The following AUTS2 variants were observed in gnomAD, a reference collection of about 807,000 sequenced individuals.
AUTS2 encodes autism susceptibility gene 2 protein.
In AUTS2, 17 loss-of-function variants were observed where a neutral mutation model predicts 112.4. The ratio of observed to expected loss-of-function variants is 0.15; its 90% CI spans 0.10 to 0.23. The LOEUF (loss-of-function observed/expected upper bound fraction) is 0.23, where lower values mean the gene tolerates loss of function less well. Ranked by LOEUF, AUTS2 falls within the 10% of genes least tolerant of loss-of-function variation. AUTS2 has a pLI of 1.00. For missense variants in AUTS2, 1,510 were observed against 1,701.6 expected (o/e 0.89, Z 1.98); for synonymous variants, 751 against 702.7 (o/e 1.07, Z -1.09).
chr7:70,179,397 G>A (rs1402415912), intron 4 of AUTS2, among the ~76,000 whole-genome samples: 1 of 152,174 alleles, frequency 6.6e-6, no homozygotes, highest in East Asian at 1.9e-4. Flanking sequence ...GTGTTACATT[G>A]TGCTTTTCTT....
rs60861244 is a variant in AUTS2 at position 69,598,650 on chromosome 7, C to T, written c.-1004C>T. ...GCGAGAGAAGCGGCGGCGGCGGCGG[C>T]GGCACACCGGTGTCTCTCCCGCTGG... On this transcript the variant is annotated 5_prime_UTR_variant, in exon 1 of 19. Transcript: ENST00000342771. The T allele has an allele frequency of 0.02, 3,318 of 168,330 alleles. 74 individuals are homozygous for T. The highest frequency in any genetic ancestry group is 0.051 in the East Asian group (275 of 5,444). 10.4% of individuals were successfully genotyped at this position (168,330 alleles called of 1,614,324 possible). A position where few individuals can be genotyped will look rare whatever the true frequency, so the allele number is the denominator to read the frequency against.
chr7:70,368,244 A>C (rs1286359515), intron 4 of AUTS2, among the ~76,000 whole-genome samples: 1 of 152,138 alleles, frequency 6.6e-6, no homozygotes, highest in African/African-American at 2.4e-5. Context: ...GACATAGAAA[A>C]CACCTAGAAC....
At chr7:70,785,409 A>G (rs555272426) in intron 16 of AUTS2, 48 of 492,948 alleles carry the variant, frequency 9.7e-5, no homozygotes, top group Non-Finnish European at 1.8e-4. Context: ...ACACAAGCTG[A>G]CGTTATGGAG....
intron 4 of AUTS2, among the ~76,000 whole-genome samples, chr7:70,263,335 A>G (rs1218849904): frequency 1.3e-5 from 2 of 152,198 alleles, no homozygotes; most frequent in South Asian, 4.1e-4. Context: ...TATTACATAA[A>G]TGGGAAAATT....
chr7:70,217,424 T>C (rs942025179), intron 4 of AUTS2, among the ~76,000 whole-genome samples: 1 of 152,154 alleles, frequency 6.6e-6, no homozygotes, highest in African/African-American at 2.4e-5. Context: ...AAAAATTAAC[T>C]GAGAAGTTTA....
intron 1 of AUTS2, among the ~76,000 whole-genome samples, chr7:69,875,370 T>C (rs1793685033): frequency 6.6e-6 from 1 of 152,230 alleles, no homozygotes; most frequent in South Asian, 2.1e-4. Context: ...TTTTTTCTTC[T>C]GTGGTTCAGA....
At chr7:69,792,311 C>T (rs1199383151) in intron 1 of AUTS2, among the ~76,000 whole-genome samples, 1 of 151,644 alleles carries the variant, frequency 6.6e-6, no homozygotes, top group Non-Finnish European at 1.5e-5. Context: ...GCAATCTCTG[C>T]TCACTGCAAG....
intron 4 of AUTS2, among the ~76,000 whole-genome samples, chr7:70,381,229 G>A (rs908193574): frequency 6.6e-5 from 10 of 152,184 alleles, no homozygotes; most frequent in Non-Finnish European, 1.2e-4. Context: ...ATAAAGAAGA[G>A]GGATAATGAT....
intron 4 of AUTS2, among the ~76,000 whole-genome samples, chr7:70,314,216 A>G (rs1789892207): frequency 6.6e-6 from 1 of 152,206 alleles, no homozygotes; most frequent in Admixed American, 6.5e-5. Context: ...GTAAACAGGC[A>G]TACATTTACC....
chr7:70,369,396 C>T (rs1400439089), intron 4 of AUTS2, among the ~76,000 whole-genome samples: 1 of 152,094 alleles, frequency 6.6e-6, no homozygotes, highest in Admixed American at 6.5e-5. Context: ...TCATATATGT[C>T]TTTTATTGCC....
chr7:69,724,209 C>G (rs754416731), intron 1 of AUTS2, among the ~76,000 whole-genome samples: 7 of 152,148 alleles, frequency 4.6e-5, no homozygotes, highest in Non-Finnish European at 7.3e-5. Flanking sequence ...CTTTCTAACT[C>G]TGTTTCTTTG....
chr7:70,496,458 TAC>T (rs1562994542), intron 5 of AUTS2, among the ~76,000 whole-genome samples: 1 of 77,874 alleles, frequency 1.3e-5, no homozygotes, highest in Admixed American at 1.6e-4. Flanking sequence ...ACACACCACG[TAC>T]ACAGTCACAC....
At chr7:70,643,243 T>A (rs1371142828) in intron 5 of AUTS2, among the ~76,000 whole-genome samples, 1 of 152,190 alleles carries the variant, frequency 6.6e-6, no homozygotes, top group Non-Finnish European at 1.5e-5. Flanking sequence ...GCCAACAAGA[T>A]GGCCAGGTGT....
intron 2 of AUTS2, among the ~76,000 whole-genome samples, chr7:70,005,896 T>G (rs898349700): frequency 1.3e-5 from 2 of 152,208 alleles, no homozygotes; most frequent in African/African-American, 4.8e-5. Flanking sequence ...AATTCTAAAT[T>G]AGTATATTTG....
chr7:69,876,325 C>CAAA (rs1167965776), intron 1 of AUTS2, among the ~76,000 whole-genome samples: 7 of 26,172 alleles, frequency 2.7e-4, no homozygotes, highest in African/African-American at 1.4e-3. Flanking sequence ...GACTCTGTCT[C>CAAA]AAAAAAAAAA....
chr7:70,517,347 G>A (rs1799456501), intron 5 of AUTS2, among the ~76,000 whole-genome samples: 1 of 152,052 alleles, frequency 6.6e-6, no homozygotes, highest in African/African-American at 2.4e-5. Flanking sequence ...CATGGGTTTG[G>A]TGGTATCAGA....
intron 4 of AUTS2, among the ~76,000 whole-genome samples, 192 bp from the exon 5 acceptor site, chr7:70,435,560 A>G (rs1795857001): frequency 6.6e-6 from 1 of 152,190 alleles, no homozygotes. Context: ...TTGCATCTGG[A>G]TAGCATTTTG....
At chr7:70,765,453 GAC>G (rs2129557361) in intron 8 of AUTS2, among the ~76,000 whole-genome samples, 1 of 152,220 alleles carries the variant, frequency 6.6e-6, no homozygotes, top group Non-Finnish European at 1.5e-5. Context: ...GGGAGGAGAT[GAC>G]ACACTCTTTG....
chr7:70,705,053 T>C (rs1274476439), intron 6 of AUTS2, among the ~76,000 whole-genome samples: 5 of 152,250 alleles, frequency 3.3e-5, no homozygotes, highest in Admixed American at 1.3e-4. Context: ...GAGCATGTTA[T>C]CATGTGTGAG....
Sources: gnomAD v4.1 joint callset for allele counts (sites outside exome capture counted in the v4.1 genomes callset) on GRCh38, gnomAD v4.1.1 for gene constraint, MANE v1.5 for transcripts, NCBI Gene and HGNC (gene_info 2026-07-23, HGNC 2026-07-21) for gene names.